CFAP299: variants seen among roughly 807,000 people sequenced by gnomAD.
The protein encoded by CFAP299 is cilia and flagella associated protein 299, also known as cilia- and flagella-associated protein 299.
Under a neutral mutation model 27.0 loss-of-function variants are expected in CFAP299, and 21 were observed. That is an observed-to-expected ratio of 0.78 (90% CI 0.55 to 1.12). CFAP299 has a LOEUF of 1.12. Among genes scored for constraint, CFAP299 ranks in the 50% most tolerant of loss-of-function variants. CFAP299 has a pLI of 0.00. For synonymous variants in CFAP299, 104 were observed against 98.1 expected (o/e 1.06, Z -0.36); for missense variants, 310 against 276.6 (o/e 1.12, Z -0.86).
chr4:80,486,008 T>A (rs1323164563), intron 2 of CFAP299, among the ~76,000 whole-genome samples: 1 of 152,104 alleles, frequency 6.6e-6, no homozygotes, highest in Non-Finnish European at 1.5e-5. Context: ...TTGCTCAGGC[T>A]GGACTCAAAC....
At chr4:80,697,837 A>C (rs1280683930) in intron 3 of CFAP299, among the ~76,000 whole-genome samples, 1 of 152,262 alleles carries the variant, frequency 6.6e-6, no homozygotes, top group African/African-American at 2.4e-5. Flanking sequence ...GTCTAAACAA[A>C]GTGACACCGA....
intron 2 of CFAP299, among the ~76,000 whole-genome samples, chr4:80,399,657 C>T (rs1380530665): frequency 7.5e-6 from 1 of 133,042 alleles, no homozygotes; most frequent in Non-Finnish European, 1.5e-5. Flanking sequence ...CACTCGGACA[C>T]AGTAAGGGGA....
intron 4 of CFAP299, among the ~76,000 whole-genome samples, chr4:80,920,964 C>T (rs1028618114): frequency 2.6e-5 from 4 of 152,052 alleles, no homozygotes; most frequent in Admixed American, 6.6e-5. Context: ...GCCTTTTATT[C>T]TAGTCTTTGT....
At chr4:80,589,924 A>G (rs1368275486) in intron 3 of CFAP299, among the ~76,000 whole-genome samples, 1 of 152,184 alleles carries the variant, frequency 6.6e-6, no homozygotes, top group Non-Finnish European at 1.5e-5. Context: ...TCTTTATACT[A>G]GTAGATAAAT....
At position 80,690,564 on chromosome 4, in the gene CFAP299, A is replaced by G. The variant is rs565175686; in HGVS notation, c.333+107381A>G. 5.6e-3 allele frequency among the ~76,000 whole-genome samples: 855 copies of G among 152,186 alleles called. 8 individuals are homozygous for G. Among genetic ancestry groups the G allele is most frequent in the African/African-American group, 0.018 (746 of 41,540 alleles). The stretch of plus-strand genomic sequence containing the variant: ...AAGCAGTGTGTAGAGGGAAATTTAT[A>G]GCACTACATGCCCACAAGAGAAAGC... On this transcript the variant is annotated intron_variant, in intron 3 of 5. Coordinates refer to ENST00000358105, the MANE Select transcript of CFAP299 (RefSeq NM_152770.3).
At chr4:80,924,749 A>G (rs1186314336) in intron 4 of CFAP299, among the ~76,000 whole-genome samples, 1 of 151,394 alleles carries the variant, frequency 6.6e-6, no homozygotes, top group Non-Finnish European at 1.5e-5. Flanking sequence ...CTCTAGCTCT[A>G]TCAGCTAGAG....
chr4:80,530,216 C>T (rs1224917213), intron 2 of CFAP299, among the ~76,000 whole-genome samples: 1 of 152,056 alleles, frequency 6.6e-6, no homozygotes, highest in African/African-American at 2.4e-5. Context: ...GAACTATGAT[C>T]ATAGTGTTTC....
chr4:80,699,971 A>G (rs1446505436), intron 3 of CFAP299, among the ~76,000 whole-genome samples: 1 of 152,198 alleles, frequency 6.6e-6, no homozygotes, highest in Non-Finnish European at 1.5e-5. Flanking sequence ...GGAAATAACT[A>G]GAAGCAAAGA....
chr4:80,702,437 T>C (rs1721558708), intron 3 of CFAP299, among the ~76,000 whole-genome samples: 1 of 151,898 alleles, frequency 6.6e-6, no homozygotes. Context: ...GTTTTTTAAG[T>C]GGAATAGAGA....
chr4:80,617,389 G>A (rs1283669569), intron 3 of CFAP299, among the ~76,000 whole-genome samples: 1 of 152,100 alleles, frequency 6.6e-6, no homozygotes, highest in African/African-American at 2.4e-5. Flanking sequence ...CTTCCTGACT[G>A]TGAGATGCCC....
chr4:80,672,996 T>TGTCTCTATCTCCTTCAGTTCTGC (rs1560690497), intron 3 of CFAP299, among the ~76,000 whole-genome samples: 3 of 152,044 alleles, frequency 2.0e-5, no homozygotes, highest in African/African-American at 7.2e-5. Context: ...GGTTTTTTTG[T>TGTCTCTATCTCCTTCAGTTCTGC]GTCTCTATCT....
At chr4:80,461,289 A>G (rs182969905) in intron 2 of CFAP299, among the ~76,000 whole-genome samples, 685 of 152,310 alleles carry the variant, frequency 4.5e-3, no homozygotes, top group Middle Eastern at 0.024. Flanking sequence ...GAGGTTCTCT[A>G]CAGAACGTAG....
chr4:80,922,084 G>A (rs940610778), intron 4 of CFAP299, among the ~76,000 whole-genome samples: 2 of 151,990 alleles, frequency 1.3e-5, no homozygotes, highest in South Asian at 4.1e-4. Context: ...CTGAATCTAT[G>A]AGATGTCTGG....
chr4:80,513,106 G>A (rs1732400089), intron 2 of CFAP299, among the ~76,000 whole-genome samples: 1 of 152,064 alleles, frequency 6.6e-6, no homozygotes, highest in South Asian at 2.1e-4. Flanking sequence ...ATATGCCTGT[G>A]GCTTAGATAG....
chr4:80,502,854 TCTCAGGA>T (rs1490316451), intron 2 of CFAP299, among the ~76,000 whole-genome samples: 3 of 152,136 alleles, frequency 2.0e-5, no homozygotes, highest in African/African-American at 7.2e-5. Flanking sequence ...CTCTTTCTTA[TCTCAGGA>T]CTCTGGTTTA....
chr4:80,889,872 A>T (rs58774797), intron 4 of CFAP299, among the ~76,000 whole-genome samples: 2,399 of 152,228 alleles, frequency 0.016, 68 homozygotes, highest in African/African-American at 0.054. Flanking sequence ...AAGGACAAAA[A>T]ACATATAGTC....
chr4:80,544,022 C>T (rs185905781), intron 2 of CFAP299, among the ~76,000 whole-genome samples: 2 of 152,272 alleles, frequency 1.3e-5, no homozygotes, highest in Non-Finnish European at 2.9e-5. Flanking sequence ...AGAAACATTA[C>T]CAGCTAGAAA....
intron 2 of CFAP299, among the ~76,000 whole-genome samples, chr4:80,365,292 T>A (rs1723771686): frequency 6.6e-6 from 1 of 152,234 alleles, no homozygotes; most frequent in South Asian, 2.1e-4. Flanking sequence ...CCATTCTGAC[T>A]GGCATGAGAT....
At chr4:80,622,270 C>T (rs138222087) in intron 3 of CFAP299, among the ~76,000 whole-genome samples, 3 of 152,170 alleles carry the variant, frequency 2.0e-5, no homozygotes, top group East Asian at 3.9e-4. Flanking sequence ...AAGTGAAGGG[C>T]GATTGCACTG....
Sources: allele counts gnomAD v4.1 joint callset (sites outside exome capture counted in the v4.1 genomes callset), GRCh38; gene constraint gnomAD v4.1.1; transcripts MANE v1.5; gene names NCBI Gene and HGNC (gene_info 2026-07-23, HGNC 2026-07-21).